The following PTPRD variants were observed in gnomAD, a reference collection of about 807,000 sequenced individuals.
PTPRD encodes receptor-type tyrosine-protein phosphatase delta.
PTPRD carries 34 observed loss-of-function variants against 214.5 expected under a neutral mutation model. That is an observed-to-expected ratio of 0.16 (90% CI 0.12 to 0.21). The LOEUF is 0.21. Among genes scored for constraint, PTPRD ranks in the 10% least tolerant of loss-of-function variants. PTPRD has a pLI of 1.00. For missense variants in PTPRD, 2,545 were observed against 2,398.7 expected, an observed-to-expected ratio of 1.06 and a Z score of -1.27; for synonymous variants, 1,128 against 845.7, an observed-to-expected ratio of 1.33 and a Z score of -5.79.
At chr9:9,897,892 G>C (rs2075416435) in intron 5 of PTPRD, among the ~76,000 whole-genome samples, 1 of 151,962 alleles carries the variant, frequency 6.6e-6, no homozygotes, top group South Asian at 2.1e-4. Context: ...GGCTTCACAG[G>C]TCAGACGGTC....
chr9:8,582,909 A>G (rs531421241), intron 14 of PTPRD, among the ~76,000 whole-genome samples: 2 of 152,316 alleles, frequency 1.3e-5, no homozygotes, highest in African/African-American at 2.4e-5. Context: ...GAGAATTTCT[A>G]TCTTAGGTAA....
intron 3 of PTPRD, among the ~76,000 whole-genome samples, chr9:10,205,993 T>C (rs550949163): frequency 8.7e-5 from 13 of 148,946 alleles, no homozygotes; most frequent in Admixed American, 2.0e-4. Context: ...AGTAGAGGAG[T>C]CTGATATGTA....
At chr9:8,564,663 GTA>G (rs2088123300) in intron 14 of PTPRD, among the ~76,000 whole-genome samples, 1 of 152,120 alleles carries the variant, frequency 6.6e-6, no homozygotes, top group African/African-American at 2.4e-5. Context: ...TCGTGCCACT[GTA>G]CTCCAGCCTG....
chr9:10,138,505 C>A (rs1297053942), intron 3 of PTPRD, among the ~76,000 whole-genome samples: 1 of 152,042 alleles, frequency 6.6e-6, no homozygotes, highest in Non-Finnish European at 1.5e-5. Flanking sequence ...AGAGCTGGTA[C>A]CAATCCTACT....
intron 39 of PTPRD, 115 bp from the exon 40 acceptor site, chr9:8,342,093 A>G: frequency 3.7e-6 from 4 of 1,093,176 alleles, no homozygotes; most frequent in Non-Finnish European, 5.0e-6. Flanking sequence ...CTTCTACTCA[A>G]ATAGCTATTG....
chr9:9,445,227 C>G (rs971359671), intron 8 of PTPRD, among the ~76,000 whole-genome samples: 1 of 152,124 alleles, frequency 6.6e-6, no homozygotes, highest in African/African-American at 2.4e-5. Context: ...AATCCTAGAA[C>G]CAAGCAATCA....
intron 9 of PTPRD, among the ~76,000 whole-genome samples, chr9:9,214,650 G>GT: frequency 6.6e-6 from 1 of 152,054 alleles, no homozygotes; most frequent in South Asian, 2.1e-4. Context: ...GTACACATTT[G>GT]TTTTTTAAAC....
chr9:9,040,528 G>C (rs1490236706), intron 10 of PTPRD, among the ~76,000 whole-genome samples: 5 of 152,136 alleles, frequency 3.3e-5, no homozygotes, highest in Non-Finnish European at 5.9e-5. Context: ...CTCTTGCATA[G>C]AGAAATTGGT....
chr9:10,455,517 A>C (rs964885091), intron 2 of PTPRD, among the ~76,000 whole-genome samples: 10 of 151,496 alleles, frequency 6.6e-5, no homozygotes, highest in Non-Finnish European at 1.0e-4. Context: ...CCACACCTCA[A>C]ACTCAACATT....
intron 4 of PTPRD, among the ~76,000 whole-genome samples, chr9:10,023,172 G>A (rs572077821): frequency 2.8e-4 from 42 of 152,132 alleles, no homozygotes; most frequent in African/African-American, 8.7e-4. Context: ...CTATGTACAC[G>A]TGTGTATATA....
chr9:10,277,778 A>C (rs1382914935), intron 3 of PTPRD, among the ~76,000 whole-genome samples: 1 of 152,198 alleles, frequency 6.6e-6, no homozygotes, highest in Non-Finnish European at 1.5e-5. Flanking sequence ...TAGTGGAGTT[A>C]CATGAAAACT....
intron 3 of PTPRD, among the ~76,000 whole-genome samples, chr9:10,313,888 T>C (rs2096343571): frequency 6.6e-6 from 1 of 151,808 alleles, no homozygotes; most frequent in African/African-American, 2.4e-5. Flanking sequence ...TAGAGAGGTA[T>C]AGGGAAAGAG....
At chr9:8,386,847 G>C (rs754458869) in intron 37 of PTPRD, among the ~76,000 whole-genome samples, 18 of 152,168 alleles carry the variant, frequency 1.2e-4, no homozygotes, top group Non-Finnish European at 1.9e-4. Context: ...GGTGAGATGG[G>C]AATGATGGGA....
intron 37 of PTPRD, among the ~76,000 whole-genome samples, chr9:8,378,782 G>A (rs142284698): frequency 3.4e-4 from 51 of 152,128 alleles, no homozygotes; most frequent in African/African-American, 1.1e-3. Context: ...ACTGGGACTC[G>A]ATTACATTTA....
chr9:8,641,096 A>G (rs1397093925), intron 12 of PTPRD, among the ~76,000 whole-genome samples: 1 of 148,496 alleles, frequency 6.7e-6, no homozygotes, highest in Non-Finnish European at 1.5e-5. Context: ...AATAAAAGGA[A>G]CATGATGAAT....
At chr9:8,459,656 T>C (rs2096327035) in intron 33 of PTPRD, among the ~76,000 whole-genome samples, 1 of 152,000 alleles carries the variant, frequency 6.6e-6, no homozygotes, top group Non-Finnish European at 1.5e-5. Flanking sequence ...AGAAATAAAA[T>C]TGAAAAAGAG....
intron 2 of PTPRD, among the ~76,000 whole-genome samples, chr9:10,440,972 T>C (rs1036339198): frequency 6.6e-6 from 1 of 151,760 alleles, no homozygotes; most frequent in East Asian, 1.9e-4. Flanking sequence ...TTAATCAAAA[T>C]CATTTTTTAC....
intron 8 of PTPRD, among the ~76,000 whole-genome samples, chr9:9,536,916 A>G (rs1225209408): frequency 1.3e-5 from 2 of 152,014 alleles, no homozygotes; most frequent in African/African-American, 2.4e-5. Flanking sequence ...GTGAGTGGAA[A>G]GGGTAGTGTA....
At chr9:9,520,003 C>T (rs2096927678) in intron 8 of PTPRD, among the ~76,000 whole-genome samples, 1 of 151,822 alleles carries the variant, frequency 6.6e-6, no homozygotes, top group Admixed American at 6.6e-5. Context: ...GAAAATAGGC[C>T]TATGTATGTA....
Sources: allele counts gnomAD v4.1 joint callset (sites outside exome capture counted in the v4.1 genomes callset), GRCh38; gene constraint gnomAD v4.1.1; transcripts MANE v1.5; gene names NCBI Gene and HGNC (gene_info 2026-07-23, HGNC 2026-07-21).